The following NEBL variants were observed in gnomAD, a reference collection of about 807,000 sequenced individuals.
NEBL encodes the protein nebulette, also known as LIM and SH3 protein 2.
NEBL carries 122 observed loss-of-function variants against 140.2 expected under a neutral mutation model. The observed-to-expected ratio is 0.87, with a 90% CI of 0.75 to 1.01. The LOEUF (loss-of-function observed/expected upper bound fraction) is 1.01, where lower values mean the gene tolerates loss of function less well. Among genes scored for constraint, NEBL ranks in the 50% least tolerant of loss-of-function variants. The pLI is 0.00. For missense variants in NEBL, 1,365 were observed against 1,231.3 expected (o/e 1.11, Z -1.62); for synonymous variants, 436 against 398.9 (o/e 1.09, Z -1.11).
chr10:20,972,505 A>G (rs11012427), intron 3 of NEBL, among the ~76,000 whole-genome samples: 31,985 of 152,036 alleles, frequency 0.21, 5,784 homozygotes, highest in African/African-American at 0.49. Flanking sequence ...AGCACTTTGG[A>G]AGGCCAAGGT....
chr10:20,925,830 G>A (rs780535929), intron 4 of NEBL, among the ~76,000 whole-genome samples: 3 of 152,020 alleles, frequency 2.0e-5, no homozygotes, highest in Non-Finnish European at 4.4e-5. Flanking sequence ...TCTAATTAAC[G>A]ACATTTTGGG....
In NEBL at chr10:21,187,951, G is replaced by A. The variant is rs148817489; in HGVS notation, n.349-15474C>T. ...GGTAGGGCTCCTGGAAGTAAAACTCGCTAAGTGTGGGGCTGCTGTAAAACT... is the reference window on the plus strand; with the variant it reads ...GGTAGGGCTCCTGGAAGTAAAACTCACTAAGTGTGGGGCTGCTGTAAAACT... On this transcript the variant is annotated intron_variant and non_coding_transcript_variant, in intron 3 of 8. Coordinates refer to the NEBL transcript ENST00000675702. 7.2e-5 allele frequency among the ~76,000 whole-genome samples: 11 copies of A among 152,198 alleles called. No individual in the cohort carries two copies. In the East Asian group the frequency reaches 1.2e-3, roughly 16 times the overall value.
At chr10:21,201,488 G>C (rs1274782882) in intron 3 of NEBL, among the ~76,000 whole-genome samples, 1 of 152,136 alleles carries the variant, frequency 6.6e-6, no homozygotes, top group African/African-American at 2.4e-5. Context: ...GGTTTTGTGG[G>C]TCCTGAAGCT....
At chr10:20,860,999 C>G (rs74619267) in intron 7 of NEBL, among the ~76,000 whole-genome samples, 4,016 of 152,050 alleles carry the variant, frequency 0.026, 165 homozygotes, top group African/African-American at 0.089. Context: ...CTGATATTCT[C>G]AATACCTTAC....
intron 4 of NEBL, among the ~76,000 whole-genome samples, chr10:20,909,830 G>A (rs1848255408): frequency 6.6e-6 from 1 of 151,980 alleles, no homozygotes; most frequent in Non-Finnish European, 1.5e-5. Context: ...ATGGCTTTAA[G>A]TCTTAAATTA....
chr10:20,918,629 T>A (rs1833426482), intron 4 of NEBL, among the ~76,000 whole-genome samples: 1 of 151,712 alleles, frequency 6.6e-6, no homozygotes, highest in South Asian at 2.1e-4. Context: ...CGGGGGCAGA[T>A]CAAGGTCAGG....
Position 20,887,985 on chromosome 10 carries a change from T to A in NEBL, c.369+112A>T, listed in dbSNP as rs559739476. On this transcript the variant is annotated intron_variant, in intron 4 of 27. Transcript: ENST00000377122. ...CACATTAATCAGTTGCTTTCAACTT[T>A]CATTTGGTATTTAACACCCATGATG... 73 of 779,450 alleles carry A rather than the reference T, an allele frequency of 9.4e-5. No homozygotes were observed. The African/African-American group carries it at 1.1e-3, about 12-fold the overall frequency. 48.3% of individuals were successfully genotyped at this position (779,450 alleles called of 1,614,324 possible).
chr10:20,962,454 T>C (rs1340415160), intron 3 of NEBL, among the ~76,000 whole-genome samples: 1 of 152,276 alleles, frequency 6.6e-6, no homozygotes, highest in Non-Finnish European at 1.5e-5. Flanking sequence ...CACATGCCCT[T>C]GGCATACTGT....
chr10:21,231,244 G>T (rs140916072), intron 3 of NEBL, among the ~76,000 whole-genome samples: 1 of 152,106 alleles, frequency 6.6e-6, no homozygotes, highest in Non-Finnish European at 1.5e-5. Flanking sequence ...CATGTGCTGT[G>T]AAGAAAAATA....
At position 20,846,626 on chromosome 10, in the gene NEBL, T is replaced by C. The variant is rs78782609; in HGVS notation, c.1117-1258A>G. On this transcript the variant is annotated intron_variant, in intron 11 of 27. Coordinates refer to ENST00000377122, the MANE Select transcript of NEBL (RefSeq NM_006393.3). ...CGACTAGAAACTTTCCTCTTCCTTA[T>C]GTGGAATTAGTAGAGATAACAGTTA... Among the ~76,000 whole-genome samples the C allele has an allele frequency of 2.4e-3, 363 of 152,314 alleles. 12 individuals carry two copies. The East Asian group carries it at 0.053, about 22-fold the overall frequency.
At chr10:20,951,752 A>T (rs992408613) in intron 4 of NEBL, among the ~76,000 whole-genome samples, 6 of 152,216 alleles carry the variant, frequency 3.9e-5, no homozygotes, top group African/African-American at 1.4e-4. Flanking sequence ...AAAAATATAT[A>T]CATAAGAGTT....
chr10:21,289,129 G>A (rs1471184198), intron 1 of NEBL, among the ~76,000 whole-genome samples: 1 of 151,812 alleles, frequency 6.6e-6, no homozygotes, highest in Non-Finnish European at 1.5e-5. Flanking sequence ...TTACTGGCAT[G>A]AGCCACTGAG....
intron 3 of NEBL, among the ~76,000 whole-genome samples, chr10:21,017,344 G>A (rs141949599): frequency 1.1e-3 from 162 of 152,220 alleles, no homozygotes; most frequent in African/African-American, 3.5e-3. Context: ...GAATTGCATT[G>A]AATTTCCCCA....
chr10:21,230,806 T>C (rs1052931113), intron 3 of NEBL, among the ~76,000 whole-genome samples: 3 of 152,126 alleles, frequency 2.0e-5, no homozygotes, highest in Admixed American at 6.5e-5. Flanking sequence ...GGTTTCACCA[T>C]GTTGCTCAGG....
At chr10:20,832,452 T>C (rs1840504931) in intron 14 of NEBL, among the ~76,000 whole-genome samples, 1 of 151,994 alleles carries the variant, frequency 6.6e-6, no homozygotes, top group East Asian at 1.9e-4. Flanking sequence ...CAGTGGGAAA[T>C]GGATTACCAA....
intron 2 of NEBL, among the ~76,000 whole-genome samples, chr10:21,048,398 G>A (rs975522415): frequency 2.0e-5 from 3 of 150,940 alleles, no homozygotes; most frequent in South Asian, 2.1e-4. Context: ...AAAATCTCCC[G>A]GGGCGGTCTT....
intron 10 of NEBL, among the ~76,000 whole-genome samples, chr10:20,851,317 T>C (rs931854152): frequency 6.6e-6 from 1 of 152,122 alleles, no homozygotes; most frequent in Non-Finnish European, 1.5e-5. Flanking sequence ...ATAATGTTAA[T>C]GATAATTCAA....
At chr10:21,023,829 A>G (rs965180048) in intron 2 of NEBL, among the ~76,000 whole-genome samples, 1 of 152,198 alleles carries the variant, frequency 6.6e-6, no homozygotes, top group Non-Finnish European at 1.5e-5. Context: ...TGTGTGCACA[A>G]ATTTCCTCCA....
At chr10:21,100,728 T>C (rs1837441357) in intron 2 of NEBL, among the ~76,000 whole-genome samples, 1 of 152,190 alleles carries the variant, frequency 6.6e-6, no homozygotes. Context: ...TTGCTACAGA[T>C]TTCCTTGTTG....
Sources: allele counts gnomAD v4.1 joint callset (sites outside exome capture counted in the v4.1 genomes callset), GRCh38; gene constraint gnomAD v4.1.1; transcripts MANE v1.5; gene names NCBI Gene and HGNC (gene_info 2026-07-23, HGNC 2026-07-21).